CNTN5: variants seen among roughly 807,000 people sequenced by gnomAD.
CNTN5 encodes contactin 5.
Under a neutral mutation model 129.1 loss-of-function variants are expected in CNTN5, and 77 were observed. The observed-to-expected ratio is 0.60, with a 90% CI of 0.50 to 0.72. CNTN5 has a LOEUF of 0.72. CNTN5 is among the 30% of genes least tolerant of loss of function. CNTN5 has a pLI of 0.00. For synonymous variants in CNTN5, 509 were observed against 465.6 expected (o/e 1.09, Z -1.20); for missense variants, 1,478 against 1,328.8 (o/e 1.11, Z -1.75).
At chr11:99,292,133 C>T (rs1864194729) in intron 1 of CNTN5, among the ~76,000 whole-genome samples, 1 of 151,734 alleles carries the variant, frequency 6.6e-6, no homozygotes, top group African/African-American at 2.4e-5. Flanking sequence ...ATAGGGATAG[C>T]ACTTTCATTC....
At chr11:100,110,207 A>AAAAAG (rs1565249943) in intron 13 of CNTN5, among the ~76,000 whole-genome samples, 1 of 145,112 alleles carries the variant, frequency 6.9e-6, no homozygotes, top group Admixed American at 6.7e-5. Context: ...AAAAGAAAAG[A>AAAAAG]AAAAGAAAAG....
At chr11:99,461,437 C>A (rs538002236) in intron 2 of CNTN5, among the ~76,000 whole-genome samples, 23 of 152,028 alleles carry the variant, frequency 1.5e-4, no homozygotes, top group Non-Finnish European at 1.3e-4. Context: ...CAAGAGATCG[C>A]CTATGAAGAC....
At chr11:100,113,198 G>A (rs1945712247) in intron 13 of CNTN5, among the ~76,000 whole-genome samples, 1 of 151,712 alleles carries the variant, frequency 6.6e-6, no homozygotes, top group Non-Finnish European at 1.5e-5. Context: ...TTGGTATGTA[G>A]CTAGTGCCAC....
At chr11:99,142,124 C>T (rs1378108736) in intron 1 of CNTN5, among the ~76,000 whole-genome samples, 1 of 152,144 alleles carries the variant, frequency 6.6e-6, no homozygotes, top group Non-Finnish European at 1.5e-5. Flanking sequence ...CTAACCCTGG[C>T]AGGCTGGGAC....
intron 1 of CNTN5, among the ~76,000 whole-genome samples, chr11:99,103,656 C>T (rs548080542): frequency 6.6e-6 from 1 of 151,684 alleles, no homozygotes; most frequent in Non-Finnish European, 1.5e-5. Context: ...GTGATTGTGA[C>T]CCTATTTGGA....
intron 1 of CNTN5, among the ~76,000 whole-genome samples, chr11:99,263,463 A>C (rs1862739295): frequency 2.0e-5 from 3 of 152,142 alleles, no homozygotes. Flanking sequence ...TATCTTATGA[A>C]AAATTGGTTT....
intron 15 of CNTN5, among the ~76,000 whole-genome samples, chr11:100,207,178 T>G (rs1372713343): frequency 6.6e-6 from 1 of 152,116 alleles, no homozygotes; most frequent in East Asian, 1.9e-4. Context: ...ATAAGCTTTA[T>G]AGTATTCAGA....
chr11:99,967,742 C>T (rs1257197149), intron 8 of CNTN5, among the ~76,000 whole-genome samples: 4 of 152,128 alleles, frequency 2.6e-5, no homozygotes, highest in Non-Finnish European at 2.9e-5. Flanking sequence ...CTTCCTCAAA[C>T]ACCTGTGCCT....
At chr11:99,708,913 G>A (rs1298945179) in intron 3 of CNTN5, among the ~76,000 whole-genome samples, 1 of 151,744 alleles carries the variant, frequency 6.6e-6, no homozygotes, top group African/African-American at 2.4e-5. Flanking sequence ...CCTCTACACA[G>A]TTTAGAATTT....
At chr11:99,213,765 T>G (rs1859963725) in intron 1 of CNTN5, among the ~76,000 whole-genome samples, 1 of 152,098 alleles carries the variant, frequency 6.6e-6, no homozygotes, top group Non-Finnish European at 1.5e-5. Flanking sequence ...GATTATGCTA[T>G]TGTCTGCCTA....
chr11:99,732,418 A>AACACAGTATAATAACTGAGT (rs1943565260), intron 3 of CNTN5, among the ~76,000 whole-genome samples: 2 of 151,608 alleles, frequency 1.3e-5, no homozygotes, highest in Non-Finnish European at 2.9e-5. Flanking sequence ...CTTGTATAAT[A>AACACAGTATAATAACTGAGT]ACTCAGTATA....
chr11:100,042,629 T>TA (rs1183186118), intron 9 of CNTN5, among the ~76,000 whole-genome samples: 1 of 152,186 alleles, frequency 6.6e-6, no homozygotes, highest in Non-Finnish European at 1.5e-5. Flanking sequence ...AAATGATCTT[T>TA]AAAAAATACC....
intron 2 of CNTN5, among the ~76,000 whole-genome samples, chr11:99,477,307 T>C (rs1945409888): frequency 6.6e-6 from 1 of 152,028 alleles, no homozygotes; most frequent in African/African-American, 2.4e-5. Context: ...ATAGTTATTT[T>C]CTAATTTTCA....
At position 100,101,494 on chromosome 11, in the gene CNTN5, C is replaced by G. The variant is rs1945222201; in HGVS notation, c.1580+27200C>G. Among the ~76,000 whole-genome samples the G allele has an allele frequency of 2.6e-5, 4 of 152,084 alleles. No individual in the cohort carries two copies. The South Asian group carries it at 8.3e-4, about 31-fold the overall frequency. On this transcript the variant is annotated intron_variant, in intron 13 of 24. Coordinates refer to ENST00000524871, the MANE Select transcript of CNTN5 (RefSeq NM_014361.4). ...CATAAGCATCGAGCTTATTGCATCC[C>G]TTTAGATTCCATCATCTTTCCTCAT...
intron 13 of CNTN5, among the ~76,000 whole-genome samples, chr11:100,176,231 G>T (rs1402694276): frequency 6.7e-6 from 1 of 149,810 alleles, no homozygotes; most frequent in Non-Finnish European, 1.5e-5. Flanking sequence ...TGTTGGCTAG[G>T]CTGGTCACAA....
intron 3 of CNTN5, among the ~76,000 whole-genome samples, chr11:99,613,639 C>T (rs1007850877): frequency 6.6e-6 from 1 of 151,864 alleles, no homozygotes; most frequent in South Asian, 2.1e-4. Flanking sequence ...AAATTTTAAT[C>T]TTTATTTTGG....
At chr11:99,535,625 T>A (rs1489234515) in intron 2 of CNTN5, among the ~76,000 whole-genome samples, 2 of 152,186 alleles carry the variant, frequency 1.3e-5, no homozygotes, top group African/African-American at 4.8e-5. Context: ...ACAGCGAGGC[T>A]GAAAACTACT....
At chr11:99,667,254 T>C (rs11220903) in intron 3 of CNTN5, among the ~76,000 whole-genome samples, 8,876 of 151,962 alleles carry the variant, frequency 0.058, 350 homozygotes, top group Middle Eastern at 0.093. Context: ...CTTTTCTCTG[T>C]AATTGCTTAC....
At chr11:100,108,791 G>T (rs1215388177) in intron 13 of CNTN5, among the ~76,000 whole-genome samples, 1 of 151,044 alleles carries the variant, frequency 6.6e-6, no homozygotes, top group Non-Finnish European at 1.5e-5. Flanking sequence ...CTCCATAAGA[G>T]TGCAATGTAT....
Sources: gnomAD v4.1 joint callset for allele counts (sites outside exome capture counted in the v4.1 genomes callset) on GRCh38, gnomAD v4.1.1 for gene constraint, MANE v1.5 for transcripts, NCBI Gene and HGNC (gene_info 2026-07-23, HGNC 2026-07-21) for gene names.